RAB1A: variants seen among roughly 807,000 people sequenced by gnomAD.
RAB1A encodes the protein RAB1A, member RAS oncogene family.
In RAB1A, 2 loss-of-function variants were observed where a neutral mutation model predicts 26.0. The observed-to-expected ratio is 0.08, with a 90% CI of 0.03 to 0.24. The LOEUF is 0.24. RAB1A is among the 10% of genes least tolerant of loss of function. RAB1A has a pLI of 1.00. For missense variants in RAB1A, 100 were observed against 247.0 expected (o/e 0.40, Z 3.99); for synonymous variants, 84 against 84.9 (o/e 0.99, Z 0.06).
At chr2:65,105,137 T>G (rs1573075423) in intron 1 of RAB1A, among the ~76,000 whole-genome samples, 1 of 152,172 alleles carries the variant, frequency 6.6e-6, no homozygotes, top group African/African-American at 2.4e-5. Context: ...TAAATCCCAC[T>G]CCTCTATAGT....
chr2:65,119,906 T>G (rs1669918890), intron 1 of RAB1A, among the ~76,000 whole-genome samples: 1 of 149,610 alleles, frequency 6.7e-6, no homozygotes, highest in Admixed American at 6.6e-5. Flanking sequence ...GAGAGTAAGT[T>G]AGCTCGGCTC....
chr2:65,097,511 T>C (rs1297321242), intron 3 of RAB1A, among the ~76,000 whole-genome samples: 1 of 152,236 alleles, frequency 6.6e-6, no homozygotes, highest in East Asian at 1.9e-4. Context: ...TCTGTGTTTC[T>C]ACAGAGTTGG....
At chr2:65,122,534 C>A (rs934608176) in intron 1 of RAB1A, among the ~76,000 whole-genome samples, 4 of 152,018 alleles carry the variant, frequency 2.6e-5, no homozygotes, top group African/African-American at 9.7e-5. Flanking sequence ...TGCACTGTAG[C>A]CTGCGTGACA....
Position 65,124,646 on chromosome 2 carries a change from C to T in RAB1A, c.23+5247G>A, listed in dbSNP as rs374815750. 7.2e-5 allele frequency among the ~76,000 whole-genome samples: 11 copies of T among 152,146 alleles called. No homozygotes were observed. In the South Asian group the frequency reaches 1.5e-3, roughly 20 times the overall value. ...TATGCTTAGTAGAGACAGGGTTTTG[C>T]CATGTTGGCCAGGCTGGTCTCAAAC... On this transcript the variant is annotated intron_variant, in intron 1 of 5. Transcript: ENST00000409784.
At chr2:65,119,881 A>G (rs1161890631) in intron 1 of RAB1A, among the ~76,000 whole-genome samples, 1 of 150,494 alleles carries the variant, frequency 6.6e-6, no homozygotes, top group East Asian at 1.9e-4. Context: ...TTAATTAAAA[A>G]ATAAAAATAA....
chr2:65,094,913 A>G (rs1238250620), intron 3 of RAB1A, among the ~76,000 whole-genome samples: 1 of 152,250 alleles, frequency 6.6e-6, no homozygotes, highest in Non-Finnish European at 1.5e-5. Context: ...AAAGGTTGTG[A>G]TAAGATCAAT....
chr2:65,086,930 A>G lies in RAB1A; in HGVS notation c.*1563T>C, dbSNP rs1669045369. ...AATATTCTGTCCATTTCATTTTACA[A>G]TTATCTTACCACTTATTTTTGTACC... On this transcript the variant is annotated 3_prime_UTR_variant, in exon 6 of 6. Transcript: ENST00000409784. The G allele has an allele frequency of 6.6e-6, 1 of 152,622 alleles. No individual in the cohort carries two copies. Among genetic ancestry groups the G allele is most frequent in the South Asian group, 2.1e-4 (1 of 4,832 alleles). 9.5% of individuals were successfully genotyped at this position (152,622 alleles called of 1,614,324 possible). A position where few individuals can be genotyped will look rare whatever the true frequency, so the allele number is the denominator to read the frequency against.
chr2:65,113,233 C>T (rs374704238), intron 1 of RAB1A, among the ~76,000 whole-genome samples: 5 of 152,126 alleles, frequency 3.3e-5, no homozygotes, highest in African/African-American at 9.7e-5. Context: ...TATTTGTTTG[C>T]GTGCAAAAAT....
chr2:65,115,560 A>C (rs1558658), intron 1 of RAB1A, among the ~76,000 whole-genome samples: 1 of 152,118 alleles, frequency 6.6e-6, no homozygotes, highest in Non-Finnish European at 1.5e-5. Context: ...CAGTGAGCAC[A>C]TATTATTCCT....
chr2:65,114,213 A>G (rs1472471402), intron 1 of RAB1A: 24 of 395,666 alleles, frequency 6.1e-5, no homozygotes, highest in East Asian at 2.0e-4. Context: ...TCACATGTCA[A>G]TGAACACTTT....
At chr2:65,116,826 C>T (rs1294271523) in intron 1 of RAB1A, among the ~76,000 whole-genome samples, 4 of 152,186 alleles carry the variant, frequency 2.6e-5, no homozygotes, top group African/African-American at 9.7e-5. Flanking sequence ...ATGCATAAAA[C>T]AGTAACATGC....
chr2:65,115,203 A>G (rs1019304), intron 1 of RAB1A, among the ~76,000 whole-genome samples: 135,963 of 152,270 alleles, frequency 0.89, 60,822 homozygotes, highest in East Asian at 1. Flanking sequence ...ACTAAGACAG[A>G]AATGTTATTT....
intron 1 of RAB1A, among the ~76,000 whole-genome samples, chr2:65,122,622 A>G (rs531348970): frequency 1.3e-5 from 2 of 152,246 alleles, no homozygotes; most frequent in South Asian, 4.1e-4. Context: ...AACGTTAAGA[A>G]GCATCTTATT....
At chr2:65,099,938 T>G (rs1365395517) in intron 2 of RAB1A, among the ~76,000 whole-genome samples, 1 of 152,136 alleles carries the variant, frequency 6.6e-6, no homozygotes, top group South Asian at 2.1e-4. Context: ...TATTGGACAA[T>G]CTACAGGACA....
At chr2:65,100,206 C>T (rs1468888741) in intron 2 of RAB1A, among the ~76,000 whole-genome samples, 1 of 150,288 alleles carries the variant, frequency 6.7e-6, no homozygotes, top group East Asian at 2.0e-4. Context: ...TTGAGATCAG[C>T]CTGGCCAAGA....
intron 1 of RAB1A, among the ~76,000 whole-genome samples, chr2:65,111,323 T>C (rs1044138820): frequency 1.7e-4 from 26 of 151,188 alleles, no homozygotes; most frequent in African/African-American, 6.3e-4. Flanking sequence ...GATCATGCCA[T>C]TGCACTCCAG....
At chr2:65,105,273 G>C (rs920234420) in intron 1 of RAB1A, 1 of 206,436 alleles carries the variant, frequency 4.8e-6, no homozygotes, top group African/African-American at 2.4e-5. Flanking sequence ...GGGAGGCTGA[G>C]GCAGGCAGTT....
chr2:65,089,431 G>A (rs574447877), intron 4 of RAB1A, among the ~76,000 whole-genome samples: 1 of 152,178 alleles, frequency 6.6e-6, no homozygotes, highest in East Asian at 1.9e-4. Flanking sequence ...GCCCAGGCTG[G>A]TCTCGAACTC....
At chr2:65,118,352 CTTAA>C in intron 1 of RAB1A, among the ~76,000 whole-genome samples, 1 of 152,042 alleles carries the variant, frequency 6.6e-6, no homozygotes, top group Middle Eastern at 3.4e-3. Flanking sequence ...GAGTCATTTT[CTTAA>C]TTTGTAAGCA....
Sources: allele counts gnomAD v4.1 joint callset (sites outside exome capture counted in the v4.1 genomes callset), GRCh38; gene constraint gnomAD v4.1.1; transcripts MANE v1.5; gene names NCBI Gene and HGNC (gene_info 2026-07-23, HGNC 2026-07-21).